CNTNAP4: variants seen among roughly 807,000 people sequenced by gnomAD.
The protein encoded by CNTNAP4 is contactin associated protein family member 4.
In CNTNAP4, 98 loss-of-function variants were observed where a neutral mutation model predicts 148.4. The ratio of observed to expected loss-of-function variants is 0.66; its 90% confidence interval spans 0.56 to 0.78. The LOEUF (loss-of-function observed/expected upper bound fraction) is 0.78, where lower values mean the gene tolerates loss of function less well. CNTNAP4 is among the 30% of genes least tolerant of loss of function. The pLI, the probability that CNTNAP4 is intolerant of heterozygous loss-of-function variation, is 0.00. For synonymous variants in CNTNAP4, 730 were observed against 565.1 expected (o/e 1.29, Z -4.14); for missense variants, 1,935 against 1,565.6 (o/e 1.24, Z -3.98).
At chr16:76,415,949 G>C (rs1204171398) in intron 3 of CNTNAP4, among the ~76,000 whole-genome samples, 1 of 131,768 alleles carries the variant, frequency 7.6e-6, no homozygotes, top group Non-Finnish European at 1.7e-5. Flanking sequence ...TTTTAACTCT[G>C]TCTTATTTTT....
rs535987929 is a variant in CNTNAP4 at position 76,480,554 on chromosome 16, A to G, written c.1882+1016A>G. 2.0e-5 allele frequency among the ~76,000 whole-genome samples: 3 copies of G among 152,212 alleles called. No homozygotes were observed. In the South Asian group the frequency reaches 6.2e-4, roughly 32 times the overall value. On this transcript the variant is annotated intron_variant, in intron 12 of 23. Coordinates refer to ENST00000611870, the MANE Select transcript of CNTNAP4 (RefSeq NM_033401.5). Reference sequence around the variant, plus strand: ...AGAGATTGAGACCATCCTGGCCAACATGGTGAAATCTCGTCTCTCCTAAAA... The same window carrying G: ...AGAGATTGAGACCATCCTGGCCAACGTGGTGAAATCTCGTCTCTCCTAAAA...
chr16:76,337,265 A>G (rs1469999364), intron 2 of CNTNAP4, among the ~76,000 whole-genome samples: 2 of 152,206 alleles, frequency 1.3e-5, no homozygotes, highest in Non-Finnish European at 2.9e-5. Context: ...ACTATCTGGT[A>G]TTCGGGGAAC....
chr16:76,452,736 C>T lies in CNTNAP4; in HGVS notation c.1300C>T (p.Gln434Ter). The T allele has an allele frequency of 1.9e-6, 3 of 1,601,780 alleles. No individual in the cohort carries two copies. The highest frequency in any genetic ancestry group is 2.6e-6 in the Non-Finnish European group (3 of 1,173,248). ...TGGAAAACTTAAGTCGAATCTCTAC[C>T]AGCCAGGAAAATTACCCAGTGACAT... is the stretch of plus-strand genomic sequence containing the variant. ...SDGKLKSNLY[Q>*]PGKLPSDITA... The change falls in exon 8 of 24, where the codon CAG (glutamine) becomes TAG (stop). Residue 434 changes from glutamine to a stop codon, truncating the protein, a stop_gained. Transcript: ENST00000611870. LOFTEE classifies it high-confidence loss of function.
intron 7 of CNTNAP4, 24 bp downstream of exon 7, chr16:76,449,882 T>C (rs1244728393): frequency 6.4e-7 from 1 of 1,569,038 alleles, no homozygotes; most frequent in East Asian, 2.3e-5. Flanking sequence ...TGCGAAGACA[T>C]TAGTAAAACT....
chr16:76,448,622 C>T (rs1016298603), intron 5 of CNTNAP4, 145 bp from the exon 6 acceptor site: 19 of 587,416 alleles, frequency 3.2e-5, no homozygotes, highest in South Asian at 1.1e-4. Context: ...ATTGAAACTT[C>T]GGGGAAATGC....
chr16:76,540,831 A>T (rs1229321121), intron 21 of CNTNAP4, 41 bp downstream of exon 21: 1 of 1,349,192 alleles, frequency 7.4e-7, no homozygotes, highest in East Asian at 2.6e-5. Context: ...CATGCTAATC[A>T]TGATACATAA....
chr16:76,313,606 A>C (rs916844601), intron 1 of CNTNAP4, among the ~76,000 whole-genome samples: 1 of 152,212 alleles, frequency 6.6e-6, no homozygotes, highest in Non-Finnish European at 1.5e-5. Flanking sequence ...GTCAGTAGAC[A>C]TGCAGGAACT....
chr16:76,435,124 A>T (rs1041042212), intron 4 of CNTNAP4, among the ~76,000 whole-genome samples: 3 of 152,122 alleles, frequency 2.0e-5, no homozygotes, highest in Non-Finnish European at 4.4e-5. Flanking sequence ...GTCCTTCCTC[A>T]AAGGGACCTG....
intron 15 of CNTNAP4, among the ~76,000 whole-genome samples, chr16:76,514,280 C>T (rs557483627): frequency 1.3e-5 from 2 of 152,238 alleles, no homozygotes; most frequent in East Asian, 1.9e-4. Context: ...TTTATATATT[C>T]TCTTACATCC....
At chr16:76,526,465 T>G (rs2083737324) in intron 17 of CNTNAP4, among the ~76,000 whole-genome samples, 1 of 152,010 alleles carries the variant, frequency 6.6e-6, no homozygotes, top group Admixed American at 6.6e-5. Context: ...ATGGAGGAAA[T>G]GGAGGGCAGG....
Position 76,397,938 on chromosome 16 carries a change from T to TTATATATATA in CNTNAP4, c.391-29508_391-29507insTATATATATA, listed in dbSNP as rs1404929461. ...TCTCTAGAGGGACAGAACTAATAGA[T>TTATATATATA]TATATACATATATATATATATATAT... is the stretch of plus-strand genomic sequence containing the variant. On this transcript the variant is annotated intron_variant, in intron 3 of 23. Transcript: ENST00000611870. Among the ~76,000 whole-genome samples the TTATATATATA allele has an allele frequency of 1.4e-4, 9 of 62,282 alleles. 3 individuals carry two copies. Among genetic ancestry groups the TTATATATATA allele is most frequent in the Admixed American group, 1.8e-4 (1 of 5,540 alleles). 40.9% of individuals were successfully genotyped at this position (62,282 alleles called of 152,430 possible).
chr16:76,489,894 C>T lies in CNTNAP4; in HGVS notation c.2080+11C>T, dbSNP rs200469793. ...TGGTCAATAAGCAAGGTAAGTAAAC[C>T]ATGGTGTCTGTCTTGTTGCACACAT... is the stretch of plus-strand genomic sequence containing the variant. On this transcript the variant is annotated intron_variant, in intron 13 of 23. Transcript: ENST00000611870. The T allele has an allele frequency of 7.9e-6, 12 of 1,522,782 alleles. No individual in the cohort carries two copies. The highest frequency in any genetic ancestry group is 5.6e-5 in the Admixed American group (3 of 53,812). The allele number at this position is 1,522,782 out of a possible 1,614,324, so 94.3% of individuals were successfully genotyped here. A position where few individuals can be genotyped will look rare whatever the true frequency, so the allele number is the denominator to read the frequency against.
At chr16:76,496,760 C>A (rs1176458887) in intron 14 of CNTNAP4, among the ~76,000 whole-genome samples, 2 of 152,036 alleles carry the variant, frequency 1.3e-5, no homozygotes, top group African/African-American at 4.8e-5. Context: ...TCCATGATAT[C>A]CAGCATGTTA....
intron 17 of CNTNAP4, among the ~76,000 whole-genome samples, chr16:76,532,849 G>T (rs192565539): frequency 6.6e-6 from 1 of 152,216 alleles, no homozygotes; most frequent in East Asian, 1.9e-4. Flanking sequence ...GAGGTGTGAA[G>T]ATAAAGAAGT....
intron 3 of CNTNAP4, among the ~76,000 whole-genome samples, chr16:76,421,743 T>G (rs1386572994): frequency 6.6e-6 from 1 of 152,260 alleles, no homozygotes; most frequent in Non-Finnish European, 1.5e-5. Flanking sequence ...GTAGGACACA[T>G]GTAGGTCACA....
chr16:76,435,539 G>A (rs1597528073), intron 4 of CNTNAP4, among the ~76,000 whole-genome samples: 1 of 152,142 alleles, frequency 6.6e-6, no homozygotes, highest in East Asian at 1.9e-4. Flanking sequence ...GACATACAGG[G>A]AAGAGCAATT....
At chr16:76,294,989 C>T (rs574731378) in intron 1 of CNTNAP4, among the ~76,000 whole-genome samples, 65 of 152,196 alleles carry the variant, frequency 4.3e-4, no homozygotes, top group African/African-American at 1.5e-3. Context: ...ATAGGGGGGC[C>T]GGTGTTCTTA....
intron 15 of CNTNAP4, among the ~76,000 whole-genome samples, chr16:76,500,479 C>G (rs913979204): frequency 3.3e-5 from 5 of 152,202 alleles, no homozygotes; most frequent in African/African-American, 1.2e-4. Flanking sequence ...AGGAAAGCCT[C>G]AGTGCTAAAC....
intron 12 of CNTNAP4, among the ~76,000 whole-genome samples, chr16:76,480,695 G>T (rs1330220864): frequency 1.3e-5 from 2 of 152,052 alleles, no homozygotes; most frequent in Non-Finnish European, 2.9e-5. Context: ...CCAAGATTGT[G>T]CCACTGCACT....
Sources: gnomAD v4.1 joint callset for allele counts (sites outside exome capture counted in the v4.1 genomes callset) on GRCh38, gnomAD v4.1.1 for gene constraint, MANE v1.5 for transcripts, NCBI Gene and HGNC (gene_info 2026-07-23, HGNC 2026-07-21) for gene names.